Variants in EDEM2 observed in about 807,000 individuals in gnomAD.
EDEM2 encodes the protein ER degradation enhancing alpha-mannosidase like protein 2.
EDEM2 carries 39 observed loss-of-function variants against 64.8 expected under a neutral mutation model. The observed-to-expected ratio is 0.60, with a 90% CI of 0.47 to 0.79. The LOEUF is 0.79. EDEM2 is among the 30% of genes least tolerant of loss of function. The pLI is 0.00. For missense variants in EDEM2, 609 were observed against 731.3 expected (o/e 0.83, Z 1.93); for synonymous variants, 296 against 291.5 (o/e 1.02, Z -0.16).
rs1392181054 is a variant in EDEM2 at position 35,133,270 on chromosome 20, T to C, written c.702+1468A>G. ...TACCCTCAGCCAAAGGCAAGCAGAG[T>C]GGCTCCAGGCACCAGAGGAGACCCA... On this transcript the variant is annotated intron_variant, in intron 6 of 10. Coordinates refer to ENST00000374492, the MANE Select transcript of EDEM2 (RefSeq NM_018217.3). Among the ~76,000 whole-genome samples, 3 of 151,714 alleles carry C rather than the reference T, an allele frequency of 2.0e-5. No individual in the cohort carries two copies. In the East Asian group the frequency reaches 5.8e-4, roughly 29 times the overall value.
chr20:35,138,624 G>A (rs1158934535), intron 4 of EDEM2, among the ~76,000 whole-genome samples: 1 of 148,522 alleles, frequency 6.7e-6, no homozygotes, highest in African/African-American at 2.5e-5. Flanking sequence ...CTGTCACCTA[G>A]GCTGGAGTGC....
intron 10 of EDEM2, 132 bp downstream of exon 10, chr20:35,118,466 T>G: frequency 7.3e-7 from 1 of 1,363,704 alleles, no homozygotes; most frequent in African/African-American, 1.4e-5. Context: ...CTGTAAAATA[T>G]GAGCATTATG....
At chr20:35,121,368 A>G (rs1460008226) in intron 9 of EDEM2, among the ~76,000 whole-genome samples, 2 of 152,154 alleles carry the variant, frequency 1.3e-5, no homozygotes, top group African/African-American at 4.8e-5. Flanking sequence ...TTGTGCTCCT[A>G]TGAACGTCTA....
chr20:35,125,542 G>A (rs1169499413), intron 8 of EDEM2, among the ~76,000 whole-genome samples: 1 of 151,682 alleles, frequency 6.6e-6, no homozygotes, highest in Non-Finnish European at 1.5e-5. Flanking sequence ...CCACCACCAC[G>A]CCCAGCTAAT....
chr20:35,118,848 A>T (rs1407143953), intron 9 of EDEM2, 129 bp from the exon 10 acceptor site: 1 of 1,337,942 alleles, frequency 7.5e-7, no homozygotes, highest in Non-Finnish European at 1.0e-6. Context: ...GGAACACAGG[A>T]TACCTCACCC....
rs1440911473 is a variant in EDEM2 at position 35,144,110 on chromosome 20, T to C, written c.258+869A>G. ...TTTTGGTAGAGACGGGGTTTCACCA[T>C]ATTGCCCAGGCTGGTCTTGAACTCC... is the stretch of plus-strand genomic sequence containing the variant. On this transcript the variant is annotated intron_variant, in intron 3 of 10. Transcript: ENST00000374492. 2.0e-5 allele frequency among the ~76,000 whole-genome samples: 3 copies of C among 151,402 alleles called. No individual in the cohort carries two copies. In the East Asian group the frequency reaches 5.9e-4, roughly 30 times the overall value.
intron 8 of EDEM2, among the ~76,000 whole-genome samples, chr20:35,125,636 G>A (rs1371031488): frequency 2.6e-5 from 4 of 152,088 alleles, no homozygotes; most frequent in Non-Finnish European, 5.9e-5. Flanking sequence ...CGCCTGCCTC[G>A]GCCTGCCAAA....
intron 8 of EDEM2, 82 bp from the exon 9 acceptor site, chr20:35,124,116 T>A (rs2085402138): frequency 1.3e-6 from 2 of 1,530,126 alleles, no homozygotes; most frequent in East Asian, 4.5e-5. Flanking sequence ...CAAAGTAAAA[T>A]CTGTGGGGCC....
At chr20:35,135,081 G>T in intron 5 of EDEM2, 132 bp from the exon 6 acceptor site, 1 of 902,448 alleles carries the variant, frequency 1.1e-6, no homozygotes, top group Non-Finnish European at 1.6e-6. Flanking sequence ...GTCTGAGCCA[G>T]AGAAAGATAA....
At chr20:35,134,391 A>T (rs972594049) in intron 6 of EDEM2, among the ~76,000 whole-genome samples, 1 of 152,126 alleles carries the variant, frequency 6.6e-6, no homozygotes, top group African/African-American at 2.4e-5. Context: ...AACACAGCAA[A>T]TACAGATAGA....
At position 35,130,551 on chromosome 20, in the gene EDEM2, A is replaced by AG. The variant is rs534554495; in HGVS notation, c.844+1090dup. On this transcript the variant is annotated intron_variant, in intron 7 of 10. Coordinates refer to ENST00000374492, the MANE Select transcript of EDEM2 (RefSeq NM_018217.3). ...TCAAAATATCTTTGTTTTTTTAGAG[A>AG]GGGGGTCTTACTATATTGCCCAGGC... 1.1e-4 allele frequency among the ~76,000 whole-genome samples: 17 copies of AG among 152,228 alleles called. No homozygotes were observed. The East Asian group carries it at 2.9e-3, about 26-fold the overall frequency.
intron 7 of EDEM2, 86 bp downstream of exon 7, chr20:35,131,556 A>C: frequency 6.6e-7 from 1 of 1,522,252 alleles, no homozygotes; most frequent in Non-Finnish European, 8.9e-7. Context: ...ATGGAGCAAG[A>C]CTCTGTCTCA....
chr20:35,135,368 A>G (rs2085561992), intron 5 of EDEM2, among the ~76,000 whole-genome samples: 1 of 152,238 alleles, frequency 6.6e-6, no homozygotes, highest in Admixed American at 6.5e-5. Flanking sequence ...GTTCAAAGCC[A>G]TTCATAGACT....
chr20:35,134,212 CA>C (rs2085543891), intron 6 of EDEM2: 2 of 450,280 alleles, frequency 4.4e-6, no homozygotes, highest in Non-Finnish European at 8.9e-6. Context: ...TTAAATTAAA[CA>C]AAGTTGAATA....
intron 8 of EDEM2, among the ~76,000 whole-genome samples, chr20:35,125,271 C>T (rs893873516): frequency 6.6e-6 from 1 of 151,288 alleles, no homozygotes; most frequent in Non-Finnish European, 1.5e-5. Context: ...TCATGGCTCA[C>T]TGCAGCCTTG....
intron 4 of EDEM2, 65 bp downstream of exon 4, chr20:35,142,308 T>G: frequency 7.5e-7 from 1 of 1,324,708 alleles, no homozygotes; most frequent in Admixed American, 1.9e-5. Flanking sequence ...ATTTACCACT[T>G]CTTGGTTTAC....
At position 35,134,904 on chromosome 20, in the gene EDEM2, A is replaced by C; in HGVS notation, c.536T>G (p.Leu179Arg). The C allele has an allele frequency of 6.2e-7, 1 of 1,614,154 alleles. No homozygotes were observed. Among genetic ancestry groups the C allele is most frequent in the Non-Finnish European group, 8.5e-7 (1 of 1,180,012 alleles). The change falls in exon 6 of 11, where the codon CTT becomes CGT. Residue 179 changes from leucine (L) to arginine (R), a missense_variant. By Grantham distance (102) the Leu-to-Arg change is moderately radical (BLOSUM62 -2). Transcript: ENST00000374492. The stretch of plus-strand genomic sequence containing the variant: ...GGTCTCTCCTGGGTTCACGCCATGA[A>C]GTAAGTTCACTGTTCCATATGGCAT... ...TGMPYGTVNL[L>R]HGVNPGETPV...
chr20:35,142,609 T>C (rs1444131430), intron 3 of EDEM2, 131 bp from the exon 4 acceptor site: 3 of 655,792 alleles, frequency 4.6e-6, no homozygotes, highest in Non-Finnish European at 7.8e-6. Context: ...CTAGGATTGG[T>C]GACAGCAGAA....
intron 7 of EDEM2, among the ~76,000 whole-genome samples, chr20:35,130,086 T>C (rs2085487863): frequency 6.6e-6 from 1 of 152,148 alleles, no homozygotes; most frequent in African/African-American, 2.4e-5. Context: ...TTTTTATTTT[T>C]GAGACAGGGT....
Sources: allele counts gnomAD v4.1 joint callset (sites outside exome capture counted in the v4.1 genomes callset), GRCh38; gene constraint gnomAD v4.1.1; transcripts MANE v1.5; gene names NCBI Gene and HGNC (gene_info 2026-07-23, HGNC 2026-07-21).